Variants in FRMD6 observed in about 807,000 individuals in gnomAD.
FRMD6 encodes FERM domain containing 6, also known as FERM domain-containing protein 6.
In FRMD6, 37 loss-of-function variants were observed where a neutral mutation model predicts 73.2. The ratio of observed to expected loss-of-function variants is 0.51; its 90% confidence interval spans 0.39 to 0.66. FRMD6 has a LOEUF of 0.66. Ranked by LOEUF, FRMD6 falls within the 30% of genes least tolerant of loss-of-function variation. FRMD6 has a pLI of 0.00. For missense variants in FRMD6, 714 were observed against 780.5 expected, an observed-to-expected ratio of 0.91 and a Z score of 1.02; for synonymous variants, 273 against 282.2, an observed-to-expected ratio of 0.97 and a Z score of 0.33.
chr14:51,401,863 A>G, the FRMD6 span, among the ~76,000 whole-genome samples: 3,181 of 152,282 alleles, frequency 0.021, 121 homozygotes, highest in African/African-American at 0.073. Context: ...AGGGGAGATC[A>G]TGGCACATGA....
chr14:51,707,797 T>C (rs1594765575), intron 6 of FRMD6, among the ~76,000 whole-genome samples: 1 of 152,192 alleles, frequency 6.6e-6, no homozygotes, highest in East Asian at 1.9e-4. Flanking sequence ...AGTGTTTTTC[T>C]CTTGGTGACT....
At position 51,530,188 on chromosome 14, in the gene FRMD6, T is replaced by C. The variant is rs147717813; in HGVS notation, c.-209-40160T>C. Among the ~76,000 whole-genome samples, 11 of 152,354 alleles carry C rather than the reference T, an allele frequency of 7.2e-5. No individual in the cohort carries two copies. The East Asian group carries it at 2.1e-3, about 29-fold the overall frequency. ...CTGCATTTTGCTATTACCTATGTTC[T>C]TGAAGTTACTCACATCGATTCTGTC... On this transcript the variant is annotated intron_variant, in intron 1 of 14. Transcript: ENST00000356218.
Position 51,717,208 on chromosome 14 carries a change from A to G in FRMD6, c.1024+1709A>G, listed in dbSNP as rs917812225. Reference sequence around the variant, plus strand: ...TTGTGCTGCTGTAACAAAAGACCACAGACTAGGTAAGTTCTAAAGAACAGA... The same window carrying G: ...TTGTGCTGCTGTAACAAAAGACCACGGACTAGGTAAGTTCTAAAGAACAGA... On this transcript the variant is annotated intron_variant, in intron 10 of 13. Transcript: ENST00000344768. The G allele has an allele frequency of 4.3e-4, 65 of 152,236 alleles. 2 individuals are homozygous for G. Among genetic ancestry groups the G allele is most frequent in the Admixed American group, 6.5e-5 (1 of 15,288 alleles). 9.4% of individuals were successfully genotyped at this position (152,236 alleles called of 1,614,324 possible).
At chr14:51,458,846 G>C in the FRMD6 span, among the ~76,000 whole-genome samples, 1 of 152,154 alleles carries the variant, frequency 6.6e-6, no homozygotes, top group South Asian at 2.1e-4. Flanking sequence ...TAGAGGGCTG[G>C]TGATGGAAAT....
intron 1 of FRMD6, among the ~76,000 whole-genome samples, chr14:51,515,885 C>A (rs1336309371): frequency 9.2e-5 from 14 of 152,128 alleles, no homozygotes; most frequent in Admixed American, 8.5e-4. Flanking sequence ...GCTTCCAATA[C>A]AAATAGAATG....
intron 9 of FRMD6, among the ~76,000 whole-genome samples, chr14:51,713,268 G>T (rs765096667): frequency 2.1e-4 from 32 of 152,190 alleles, no homozygotes; most frequent in Non-Finnish European, 2.5e-4. Flanking sequence ...GACCAGTCTG[G>T]CCAACATGGT....
chr14:51,702,666 G>A, intron 5 of FRMD6, 78 bp downstream of exon 5: 1 of 1,142,044 alleles, frequency 8.8e-7, no homozygotes, highest in Non-Finnish European at 1.3e-6. Context: ...TAAGTTACGT[G>A]TGTTTATTCT....
chr14:51,428,323 G>A, the FRMD6 span, among the ~76,000 whole-genome samples: 2 of 151,986 alleles, frequency 1.3e-5, no homozygotes, highest in Non-Finnish European at 1.5e-5. Flanking sequence ...TTGGTGTCAC[G>A]TGCCCAACTA....
chr14:51,506,603 G>C (rs1457749453), intron 1 of FRMD6, among the ~76,000 whole-genome samples: 1 of 152,226 alleles, frequency 6.6e-6, no homozygotes, highest in Admixed American at 6.5e-5. Context: ...TTGGTATCCT[G>C]ATTGAGACTG....
chr14:51,662,685 T>C (rs1334635044), intron 1 of FRMD6, among the ~76,000 whole-genome samples: 1 of 152,074 alleles, frequency 6.6e-6, no homozygotes, highest in Non-Finnish European at 1.5e-5. Flanking sequence ...AGCCCCAAAC[T>C]AAAAACCCTG....
intron 2 of FRMD6, among the ~76,000 whole-genome samples, chr14:51,621,861 C>T (rs1484418072): frequency 2.0e-5 from 3 of 152,152 alleles, no homozygotes; most frequent in African/African-American, 7.2e-5. Context: ...ACTGAAACTC[C>T]CCATCTGGCC....
chr14:51,634,637 A>G lies in FRMD6; in HGVS notation c.-146-55054A>G, dbSNP rs77491144. On this transcript the variant is annotated intron_variant, in intron 2 of 14. Coordinates refer to the FRMD6 transcript ENST00000356218. The stretch of plus-strand genomic sequence containing the variant: ...AAAAAAAAAAGATAAATTTACTAAA[A>G]TACATAAATGTTAGCTTTTGACATT... Among the ~76,000 whole-genome samples the G allele has an allele frequency of 2.7e-3, 416 of 152,364 alleles. 1 individual carries two copies. Among genetic ancestry groups the G allele is most frequent in the African/African-American group, 9.3e-3 (385 of 41,588 alleles).
intron 1 of FRMD6, among the ~76,000 whole-genome samples, chr14:51,570,059 C>T (rs1888041469): frequency 6.6e-6 from 1 of 152,036 alleles, no homozygotes; most frequent in African/African-American, 2.4e-5. Flanking sequence ...TCGTGATCTG[C>T]CCACCTTGGC....
At chr14:51,447,956 C>T in the FRMD6 span, among the ~76,000 whole-genome samples, 1 of 152,150 alleles carries the variant, frequency 6.6e-6, no homozygotes, top group Non-Finnish European at 1.5e-5. Context: ...ATACTACTCC[C>T]CTGTCTTTTC....
At chr14:51,566,246 A>G (rs1887769233) in intron 1 of FRMD6, among the ~76,000 whole-genome samples, 2 of 152,222 alleles carry the variant, frequency 1.3e-5, no homozygotes, top group Admixed American at 6.5e-5. Context: ...CAGTACCAGC[A>G]TGAAAAGTCA....
intron 1 of FRMD6, among the ~76,000 whole-genome samples, chr14:51,517,688 A>G (rs773204461): frequency 1.3e-5 from 2 of 152,032 alleles, no homozygotes; most frequent in East Asian, 1.9e-4. Flanking sequence ...AATACACTTC[A>G]TCTTCTGCAA....
At position 51,598,109 on chromosome 14, in the gene FRMD6, A is replaced by G. The variant is rs183776912; in HGVS notation, c.-147+27699A>G. 1.7e-4 allele frequency among the ~76,000 whole-genome samples: 26 copies of G among 152,322 alleles called. No homozygotes were observed. The East Asian group carries it at 2.7e-3, about 16-fold the overall frequency. On this transcript the variant is annotated intron_variant, in intron 2 of 14. Transcript: ENST00000356218. ...GCTTTCAACTGTCTTTTGTGTTTTC[A>G]TTGACAATGAAATTATTTAAAAAGA...
the FRMD6 span, among the ~76,000 whole-genome samples, chr14:51,467,618 G>T: frequency 1.3e-5 from 2 of 151,882 alleles, no homozygotes; most frequent in East Asian, 3.9e-4. Flanking sequence ...AGACTGGGCG[G>T]CCGGTCAGAG....
chr14:51,623,841 G>T, intron 2 of FRMD6, among the ~76,000 whole-genome samples: 1 of 152,172 alleles, frequency 6.6e-6, no homozygotes. Context: ...ATAAATTGAA[G>T]AAATGAATGA....
Sources: gnomAD v4.1 joint callset for allele counts (sites outside exome capture counted in the v4.1 genomes callset) on GRCh38, gnomAD v4.1.1 for gene constraint, MANE v1.5 for transcripts, NCBI Gene and HGNC (gene_info 2026-07-23, HGNC 2026-07-21) for gene names.